The following PTGER3 variants were observed in gnomAD, a reference collection of about 807,000 sequenced individuals.
The protein encoded by PTGER3 is prostaglandin E2 receptor EP3 subtype.
Under a neutral mutation model 34.7 loss-of-function variants are expected in PTGER3, and 22 were observed. The ratio of observed to expected loss-of-function variants is 0.63; its 90% CI spans 0.45 to 0.91. The LOEUF is 0.91. PTGER3 is among the 40% of genes least tolerant of loss of function. The pLI is 0.00. For missense variants in PTGER3, 468 were observed against 519.4 expected (o/e 0.90, Z 0.96); for synonymous variants, 241 against 230.1 (o/e 1.05, Z -0.43).
chr1:70,992,508 C>A (rs138496151), intron 2 of PTGER3, among the ~76,000 whole-genome samples: 1 of 152,188 alleles, frequency 6.6e-6, no homozygotes, highest in Non-Finnish European at 1.5e-5. Context: ...CTAAAGATAG[C>A]GCTCTGTTGA....
chr1:70,949,123 A>G (rs1362440825), downstream of PTGER3, among the ~76,000 whole-genome samples: 1 of 152,116 alleles, frequency 6.6e-6, no homozygotes, highest in African/African-American at 2.4e-5. Context: ...AGTTACATAC[A>G]CAAACACACA....
chr1:70,921,913 A>G (rs539730322), intron 4 of PTGER3, among the ~76,000 whole-genome samples: 1 of 152,336 alleles, frequency 6.6e-6, no homozygotes, highest in South Asian at 2.1e-4. Context: ...TTCTAAATCA[A>G]ATATTTTGTC....
At chr1:70,895,428 A>G (rs1646703928) in intron 4 of PTGER3, among the ~76,000 whole-genome samples, 1 of 152,120 alleles carries the variant, frequency 6.6e-6, no homozygotes, top group Non-Finnish European at 1.5e-5. Flanking sequence ...ATGATTACTC[A>G]TTGCCTTTGA....
intron 1 of PTGER3, among the ~76,000 whole-genome samples, chr1:71,031,174 G>C (rs1476950494): frequency 6.6e-6 from 1 of 151,460 alleles, no homozygotes; most frequent in Admixed American, 6.6e-5. Flanking sequence ...TTTATTTTTT[G>C]TGGCTCTCTT....
chr1:70,963,115 C>T (rs1652116515), intron 2 of PTGER3, among the ~76,000 whole-genome samples: 2 of 152,200 alleles, frequency 1.3e-5, no homozygotes. Context: ...AAATGATCTC[C>T]TTTGACTCCA....
chr1:70,859,908 G>A (rs752709593), intron 4 of PTGER3, among the ~76,000 whole-genome samples: 1 of 152,106 alleles, frequency 6.6e-6, no homozygotes, highest in Admixed American at 6.6e-5. Flanking sequence ...TTACTATTTG[G>A]TTATGTGTTT....
Position 70,895,740 on chromosome 1 carries a change from G to C in PTGER3, c.*24-42881C>G, listed in dbSNP as rs944350648. On this transcript the variant is annotated intron_variant, in intron 4 of 4. Transcript: ENST00000370931. ...GTCTGACATAATTTTAGGTACAGAA[G>C]TGTGATGTTAAGGTAACAGCATAAG... 6.6e-5 allele frequency among the ~76,000 whole-genome samples: 10 copies of C among 152,332 alleles called. No individual in the cohort carries two copies. In the East Asian group the frequency reaches 1.5e-3, roughly 23 times the overall value.
At chr1:70,881,552 C>T (rs1219665731) in intron 4 of PTGER3, among the ~76,000 whole-genome samples, 1 of 152,018 alleles carries the variant, frequency 6.6e-6, no homozygotes, top group Non-Finnish European at 1.5e-5. Context: ...AATGTGGGCT[C>T]ATGTTTCTTC....
At chr1:70,865,794 T>A (rs573542276) in intron 4 of PTGER3, 1 of 1,366,952 alleles carries the variant, frequency 7.3e-7, no homozygotes, top group South Asian at 1.1e-5. Context: ...GCACAGAACC[T>A]TGAAGGATCA....
chr1:70,937,105 C>T (rs9659980), intron 4 of PTGER3, among the ~76,000 whole-genome samples: 3,419 of 152,038 alleles, frequency 0.022, 73 homozygotes, highest in Middle Eastern at 0.037. Flanking sequence ...TTTAAAGACA[C>T]GAGGAAATTA....
chr1:70,955,500 A>T (rs1651226373), intron 2 of PTGER3, among the ~76,000 whole-genome samples: 1 of 152,152 alleles, frequency 6.6e-6, no homozygotes, highest in Admixed American at 6.6e-5. Flanking sequence ...GATGGAGGAA[A>T]GGAAGAAGGG....
rs1660892990 is a variant in PTGER3 at position 71,047,004 on chromosome 1, G to A, written c.574C>T (p.Pro192Ser). 6.2e-7 allele frequency: 1 copy of A among 1,611,394 alleles called. No individual in the cohort carries two copies. The highest frequency in any genetic ancestry group is 1.7e-5 in the Admixed American group (1 of 59,902). Reference protein sequence around the residue: ...WLAVLAFALLPVLGVGQYTVQ... With the variant: ...WLAVLAFALLSVLGVGQYTVQ... ...GTGTACTGGCCCACGCCCAGCACCG[G>A]CAGCAGGGCGAAGGCGAGCACGGCC... is the stretch of plus-strand genomic sequence containing the variant. Residue 192 changes from proline (P) to serine (S), a missense_variant, in exon 1 of 4, where the codon CCG becomes TCG. Around this residue, in one of 5 missense-constraint regions of PTGER3, gnomAD observed 204 missense variants for 230.8 expected, o/e 0.88. Coordinates refer to ENST00000306666, the MANE Select transcript of PTGER3 (RefSeq NM_198719.2).
intron 4 of PTGER3, among the ~76,000 whole-genome samples, chr1:70,919,578 G>A (rs1285028095): frequency 2.0e-5 from 3 of 152,086 alleles, no homozygotes; most frequent in Non-Finnish European, 4.4e-5. Flanking sequence ...TTCAATTCAG[G>A]TAGCAAACAT....
intron 4 of PTGER3, among the ~76,000 whole-genome samples, chr1:70,869,821 TTC>T (rs1646125578): frequency 6.6e-6 from 1 of 152,120 alleles, no homozygotes; most frequent in Non-Finnish European, 1.5e-5. Context: ...CTTCGCAGGG[TTC>T]GGTCCCTGTG....
intron 1 of PTGER3, among the ~76,000 whole-genome samples, chr1:71,029,489 T>C (rs1659215451): frequency 6.6e-6 from 1 of 152,194 alleles, no homozygotes; most frequent in Admixed American, 6.5e-5. Context: ...TGAAATTATA[T>C]CTGTGAAATG....
intron 4 of PTGER3, among the ~76,000 whole-genome samples, chr1:70,923,834 C>A (rs1647786216): frequency 6.6e-6 from 1 of 152,182 alleles, no homozygotes; most frequent in Non-Finnish European, 1.5e-5. Context: ...TAATTTATGG[C>A]AACATAGTTA....
At chr1:70,886,363 T>A in intron 4 of PTGER3, 1 of 438,468 alleles carries the variant, frequency 2.3e-6, no homozygotes, top group Non-Finnish European at 4.6e-6. Flanking sequence ...TTAAGCCACC[T>A]AGTCTGTGGT....
Position 70,990,131 on chromosome 1 carries a change from A to G in PTGER3, c.1078-15743T>C, listed in dbSNP as rs911033102. On this transcript the variant is annotated intron_variant, in intron 2 of 3. Coordinates refer to ENST00000306666, the MANE Select transcript of PTGER3 (RefSeq NM_198719.2). ...CACTTTGGGAGGCCGAGTTGGGCGG[A>G]TCACGAGGTCAGGAGATCGAGACCA... Among the ~76,000 whole-genome samples, 5 of 151,948 alleles carry G rather than the reference A, an allele frequency of 3.3e-5. No homozygotes were observed. In the East Asian group the frequency reaches 5.8e-4, roughly 18 times the overall value.
At chr1:70,925,756 G>C (rs1055952455) in intron 4 of PTGER3, among the ~76,000 whole-genome samples, 3 of 152,134 alleles carry the variant, frequency 2.0e-5, no homozygotes, top group African/African-American at 7.2e-5. Context: ...GGTTTTGTTA[G>C]TGGAAGCAAG....
Sources: allele counts gnomAD v4.1 joint callset (sites outside exome capture counted in the v4.1 genomes callset), GRCh38; gene constraint gnomAD v4.1.1; regional missense constraint gnomAD v4.1.1; transcripts MANE v1.5; gene names NCBI Gene and HGNC (gene_info 2026-07-23, HGNC 2026-07-21).